DSPP: variants seen among roughly 807,000 people sequenced by gnomAD.
DSPP encodes dentin sialophosphoprotein, also known as deafness, autosomal dominant 39.
Under a neutral mutation model 29.1 loss-of-function variants are expected in DSPP, and 28 were observed. The observed-to-expected ratio is 0.96, with a 90% CI of 0.71 to 1.32. The LOEUF (loss-of-function observed/expected upper bound fraction) is 1.32, where lower values mean the gene tolerates loss of function less well. Ranked by LOEUF, DSPP falls within the 40% of genes most tolerant of loss-of-function variation. DSPP has a pLI of 0.00. For synonymous variants in DSPP, 481 were observed against 503.4 expected, an observed-to-expected ratio of 0.96 and a Z score of 0.60; for missense variants, 1,281 against 1,629.9, an observed-to-expected ratio of 0.79 and a Z score of 3.69.
rs767211266 is a variant in DSPP at position 87,612,309 on chromosome 4, G to C, written c.136-13G>C. 1 of 1,613,714 alleles carries C rather than the reference G, an allele frequency of 6.2e-7. No homozygotes were observed. Among genetic ancestry groups the C allele is most frequent in the East Asian group, 2.2e-5 (1 of 44,846 alleles). ...ATTGATACTTATAATTGATTGAATT[G>C]TTTCTTTTTCAGGATGAGTTAAATG... On this transcript the variant is annotated splice_polypyrimidine_tract_variant and intron_variant, in intron 3 of 4. Coordinates refer to ENST00000651931, the MANE Select transcript of DSPP (RefSeq NM_014208.3).
In DSPP at chr4:87,615,376, G is replaced by C. The variant is rs1307073140; in HGVS notation, c.2714G>C (p.Ser905Thr). 2 of 1,515,778 alleles carry C rather than the reference G, an allele frequency of 1.3e-6. No individual in the cohort carries two copies. The highest frequency in any genetic ancestry group is 2.9e-5 in the African/African-American group (2 of 68,800). The allele number at this position is 1,515,778 out of a possible 1,614,324, so 93.9% of individuals were successfully genotyped here. The change falls in exon 5 of 5, where the codon AGC becomes ACC. Residue 905 changes from serine to threonine, a missense_variant. Coordinates refer to ENST00000651931, the MANE Select transcript of DSPP (RefSeq NM_014208.3). ...AGCAGCAACAGCAGTGATAGTGACA[G>C]CAGTGATAGCAGCAACAGCAGTGAC... ...SDSSNSSDSD[S>T]SDSSNSSDSS...
intron 2 of DSPP, among the ~76,000 whole-genome samples, chr4:87,611,503 A>C (rs779868808): frequency 7.9e-5 from 12 of 152,208 alleles, no homozygotes; most frequent in Non-Finnish European, 1.8e-4. Context: ...AAACCAATAA[A>C]AAATTGAGAA....
Position 87,615,721 on chromosome 4 carries a change from ACAGCAGCAATAGCAGTGACAG to A in DSPP, c.3065_3085del (p.Ser1022_Ser1028del). Reference sequence around the variant, plus strand: ...AGCAGTGATAGCAGTAATAGTAGTGACAGCAGCAATAGCAGTGACAGCAGCAACAGCAGTGACAGCAGCGAT... The same window carrying A: ...AGCAGTGATAGCAGTAATAGTAGTGACAGCAACAGCAGTGACAGCAGCGAT... On this transcript the variant is annotated inframe_deletion, in exon 5 of 5. Transcript: ENST00000651931. 3.7e-6 allele frequency: 1 copy of A among 272,644 alleles called. No individual in the cohort carries two copies. Among genetic ancestry groups the A allele is most frequent in the East Asian group, 3.2e-4 (1 of 3,166 alleles). 16.9% of individuals were successfully genotyped at this position (272,644 alleles called of 1,614,324 possible).
In DSPP at chr4:87,612,365, T is replaced by C; in HGVS notation, c.179T>C (p.Leu60Pro). The C allele has an allele frequency of 6.2e-7, 1 of 1,614,116 alleles. No individual in the cohort carries two copies. Among genetic ancestry groups the C allele is most frequent in the Non-Finnish European group, 8.5e-7 (1 of 1,179,998 alleles). ...GGAACCATCAAAGAAAGTGGTGTCC[T>C]GGTGCATGAAGGTGATAGAGGAAGG... ...ASGTIKESGV[L>P]VHEGDRGRQE... The change falls in exon 4 of 5, where the codon CTG becomes CCG. Residue 60 changes from leucine to proline, a missense_variant. This residue lies in a region of DSPP where 631 missense variants were observed against 643.2 expected (regional missense o/e 0.98). Coordinates refer to ENST00000651931, the MANE Select transcript of DSPP (RefSeq NM_014208.3).
At position 87,612,812 on chromosome 4, in the gene DSPP, A is replaced by T. The variant is rs1382539718; in HGVS notation, c.626A>T (p.Asn209Ile). 1.2e-6 allele frequency: 2 copies of T among 1,614,232 alleles called. No homozygotes were observed. The highest frequency in any genetic ancestry group is 2.2e-5 in the South Asian group (2 of 91,072). Residue 209 changes from asparagine (N) to isoleucine (I), a missense_variant, in exon 4 of 5, where the codon AAT (asparagine) becomes ATT (isoleucine). By Grantham distance (149) the Asn-to-Ile change is moderately radical (BLOSUM62 -3). This residue lies in a region of DSPP where 631 missense variants were observed against 643.2 expected (regional missense o/e 0.98). Coordinates refer to ENST00000651931, the MANE Select transcript of DSPP (RefSeq NM_014208.3). ...IIENSCRNEG[N>I]TSEITPQINS... ...GAGAATTCCTGTAGAAACGAGGGTA[A>T]TACAAGTGAAATAACACCTCAGATC...
In DSPP at chr4:87,608,872, CA is replaced by C. The variant is rs542869669; in HGVS notation, c.-29+254del. On this transcript the variant is annotated intron_variant, in intron 1 of 4. Transcript: ENST00000651931. ...TTGGCCAACTGAGGTGGAAATTTGACAATTAACTATCTGGGCACTTTGATTA... is the reference window on the plus strand; with the variant it reads ...TTGGCCAACTGAGGTGGAAATTTGACATTAACTATCTGGGCACTTTGATTA... Among the ~76,000 whole-genome samples, 30 of 152,282 alleles carry C rather than the reference CA, an allele frequency of 2.0e-4. No homozygotes were observed. The South Asian group carries it at 6.2e-3, about 32-fold the overall frequency.
In DSPP at chr4:87,615,611, C is replaced by G. The variant is rs778079635; in HGVS notation, c.2949C>G (p.Ser983Arg). The change falls in exon 5 of 5, where the codon AGC (serine) becomes AGG (arginine). Residue 983 changes from serine (S) to arginine (R), a missense_variant. Coordinates refer to ENST00000651931, the MANE Select transcript of DSPP (RefSeq NM_014208.3). ...ACAGCAGTGACAGCAGCAACAGCAG[C>G]GATAGCAGTGACAGCAGTGATAGCA... is the stretch of plus-strand genomic sequence containing the variant. ...SSDSSDSSNS[S>R]DSSDSSDSSD... 1.3e-6 allele frequency: 2 copies of G among 1,544,788 alleles called. No individual in the cohort carries two copies. The highest frequency in any genetic ancestry group is 1.2e-5 in the South Asian group (1 of 83,712).
At position 87,614,483 on chromosome 4, in the gene DSPP, C is replaced by A; in HGVS notation, c.1821C>A (p.Ser607Arg). ...GCAATAGCAGTGACAGTAGTGACAG[C>A]AGTGATAGCAGTGACAGTAGTGATA... Reference protein sequence around the residue: ...DSSNSSDSSDSSDSSDSSDSS... With the variant: ...DSSNSSDSSDRSDSSDSSDSS... Residue 607 changes from serine (S) to arginine (R), a missense_variant, in exon 5 of 5, where the codon AGC becomes AGA. By Grantham distance (110) the Ser-to-Arg change is moderately radical. Coordinates refer to ENST00000651931, the MANE Select transcript of DSPP (RefSeq NM_014208.3). The A allele has an allele frequency of 6.4e-7, 1 of 1,551,466 alleles. No homozygotes were observed. Among genetic ancestry groups the A allele is most frequent in the South Asian group, 1.2e-5 (1 of 84,046 alleles).
rs773490979 is a variant in DSPP, at chr4:87,613,247, G to A, written c.1061G>A (p.Arg354His). 18 of 1,613,626 alleles carry A rather than the reference G, an allele frequency of 1.1e-5. No individual in the cohort carries two copies. The highest frequency in any genetic ancestry group is 5.5e-5 in the South Asian group (5 of 91,056). ...TQKLNHRESK[R>H]VENRITKESE... is the part of the protein sequence containing the mutation. ...AAGCTCAACCATAGAGAAAGCAAACGCGTAGAAAATAGAATCACCAAAGAA... is the reference window on the plus strand; with the variant it reads ...AAGCTCAACCATAGAGAAAGCAAACACGTAGAAAATAGAATCACCAAAGAA... The change falls in exon 4 of 5, where the codon CGC becomes CAC. Residue 354 changes from arginine to histidine, a missense_variant. By Grantham distance (29) the Arg-to-His change is conservative. This residue lies in a region of DSPP where 631 missense variants were observed against 643.2 expected (regional missense o/e 0.98). Coordinates refer to ENST00000651931, the MANE Select transcript of DSPP (RefSeq NM_014208.3).
At chr4:87,609,724 T>C (rs1450047261) in intron 1 of DSPP, among the ~76,000 whole-genome samples, 1 of 152,228 alleles carries the variant, frequency 6.6e-6, no homozygotes, top group Non-Finnish European at 1.5e-5. Flanking sequence ...ATCAAAGCCA[T>C]TTTATGACAT....
At chr4:87,613,335 A>G (rs1476768152) in intron 4 of DSPP, 27 bp downstream of exon 4, 3 of 1,611,778 alleles carry the variant, frequency 1.9e-6, no homozygotes, top group Non-Finnish European at 2.5e-6. Context: ...GATTTCTTTC[A>G]ATGGCAGTTT....
In DSPP at chr4:87,612,411, T is replaced by C; in HGVS notation, c.225T>C (p.Gly75=). ...DRGRQENTQD[G]HKGEGNGSKW... ...GAAGGCAAGAGAATACCCAAGATGG[T>C]CACAAGGGAGAAGGGAATGGCTCTA... The change falls in exon 4 of 5, where the codon GGT becomes GGC. Residue 75 remains glycine, a synonymous_variant. Transcript: ENST00000651931. 1 of 1,613,910 alleles carries C rather than the reference T, an allele frequency of 6.2e-7. No homozygotes were observed. Among genetic ancestry groups the C allele is most frequent in the East Asian group, 2.2e-5 (1 of 44,872 alleles).
chr4:87,611,011 T>A, intron 2 of DSPP, 52 bp downstream of exon 2: 1 of 1,459,978 alleles, frequency 6.8e-7, no homozygotes, highest in Non-Finnish European at 9.6e-7. Flanking sequence ...TTTTTTAACC[T>A]AACATTAATA....
rs1163178193 is a variant in DSPP, at chr4:87,613,314, T to C, written c.1122+6T>C. 2.5e-6 allele frequency: 4 copies of C among 1,612,892 alleles called. No homozygotes were observed. The highest frequency in any genetic ancestry group is 1.3e-5 in the African/African-American group (1 of 74,890). ...TTGGGAAGAGCCAAGATAAGGTTAG[T>C]TTGTAAAGCTGATTTCTTTCAATGG... On this transcript the variant is annotated splice_donor_region_variant and intron_variant, in intron 4 of 4. Transcript: ENST00000651931.
rs1322362395 is a variant in DSPP at position 87,614,002 on chromosome 4, G to T, written c.1340G>T (p.Ser447Ile). 6.2e-7 allele frequency: 1 copy of T among 1,614,220 alleles called. No homozygotes were observed. The change falls in exon 5 of 5, where the codon AGT (serine) becomes ATT (isoleucine). Residue 447 changes from serine (S) to isoleucine (I), a missense_variant. Around this residue, in one of 4 missense-constraint regions of DSPP, gnomAD observed 631 missense variants for 643.2 expected, o/e 0.98. Coordinates refer to ENST00000651931, the MANE Select transcript of DSPP (RefSeq NM_014208.3). ...GHSNTGSDSN[S>I]DGYDSYDFDD... is the part of the protein sequence containing the mutation. ...AGCAATACAGGTAGTGACAGCAATA[G>T]TGATGGATATGACAGTTATGATTTT...
chr4:87,611,029 T>TTG, intron 2 of DSPP, 70 bp downstream of exon 2: 4 of 1,031,174 alleles, frequency 3.9e-6, no homozygotes, highest in African/African-American at 2.5e-5. Context: ...ATACAAAATG[T>TTG]AGTGTGTGTG....
chr4:87,609,194 C>T (rs1044126441), intron 1 of DSPP, among the ~76,000 whole-genome samples: 6 of 152,136 alleles, frequency 3.9e-5, no homozygotes, highest in Admixed American at 6.5e-5. Context: ...TTGTAGTCTT[C>T]GAAGTCATTC....
chr4:87,612,934 G>A lies in DSPP; in HGVS notation c.748G>A (p.Gly250Arg). The A allele has an allele frequency of 6.2e-7, 1 of 1,614,152 alleles. No homozygotes were observed. Among genetic ancestry groups the A allele is most frequent in the South Asian group, 1.1e-5 (1 of 91,064 alleles). Residue 250 changes from glycine (G) to arginine (R), a missense_variant, in exon 4 of 5, where the codon GGA (glycine) becomes AGA (arginine). Coordinates refer to ENST00000651931, the MANE Select transcript of DSPP (RefSeq NM_014208.3). ...TTCCGATGGGAGTCCTAGTGGGAATGGAGCAGATGAGGATGAAGACGAGGG... is the reference window on the plus strand; with the variant it reads ...TTCCGATGGGAGTCCTAGTGGGAATAGAGCAGATGAGGATGAAGACGAGGG... ...DNSDGSPSGNGADEDEDEGSG... is the reference protein window; with the variant it reads ...DNSDGSPSGNRADEDEDEGSG...
intron 2 of DSPP, 63 bp from the exon 3 acceptor site, chr4:87,612,036 TGTGTGC>T (rs2109995289): frequency 9.9e-7 from 1 of 1,015,072 alleles, no homozygotes. Context: ...TGTGTGTGTG[TGTGTGC>T]ACGCTCACAC....
Sources: gnomAD v4.1 joint callset for allele counts (sites outside exome capture counted in the v4.1 genomes callset) on GRCh38, gnomAD v4.1.1 for gene constraint, gnomAD v4.1.1 regional missense constraint, MANE v1.5 for transcripts, NCBI Gene and HGNC (gene_info 2026-07-23, HGNC 2026-07-21) for gene names.